SINHCAF: variants seen among roughly 807,000 people sequenced by gnomAD.
SINHCAF encodes the protein SIN3-HDAC complex-associated factor.
In SINHCAF, 3 loss-of-function variants were observed where a neutral mutation model predicts 25.8. The observed-to-expected ratio is 0.12, with a 90% CI of 0.05 to 0.30. The LOEUF is 0.30. Ranked by LOEUF, SINHCAF falls within the 10% of genes least tolerant of loss-of-function variation. SINHCAF has a pLI of 1.00. For synonymous variants in SINHCAF, 70 were observed against 85.5 expected (o/e 0.82, Z 1.00); for missense variants, 121 against 262.3 (o/e 0.46, Z 3.72).
rs1391142004 is a variant in SINHCAF, at chr12:31,325,248, G to A, written c.-21+776C>T. On this transcript the variant is annotated intron_variant, in intron 1 of 5. Coordinates refer to ENST00000337682, the MANE Select transcript of SINHCAF (RefSeq NM_001135812.2). This position sits in a 1 kb window ranked among gnomAD's most constrained non-coding sequence, Gnocchi z 5.9. ...CACCGGGAGCAAAACTTCGGGCTCC[G>A]AAAGCACCCCGGACACCAGAGGCTC... is the stretch of plus-strand genomic sequence containing the variant. 1 of 456,754 alleles carries A rather than the reference G, an allele frequency of 2.2e-6. No homozygotes were observed. The highest frequency in any genetic ancestry group is 4.4e-6 in the Non-Finnish European group (1 of 226,976). 28.3% of individuals were successfully genotyped at this position (456,754 alleles called of 1,614,324 possible).
In SINHCAF at chr12:31,295,593, G is replaced by A. The variant is rs150569548; in HGVS notation, c.129-260C>T. Among the ~76,000 whole-genome samples the A allele has an allele frequency of 9.2e-3, 1,397 of 152,276 alleles. 21 individuals are homozygous for A. The highest frequency in any genetic ancestry group is 0.032 in the African/African-American group (1,314 of 41,532). ...TTTTAAAATTAAATAGGCCAGGCTG[G>A]GTGCGGTGGCTCACGCCTGCAATCC... On this transcript the variant is annotated intron_variant, in intron 2 of 5. Transcript: ENST00000337682.
intron 1 of SINHCAF, chr12:31,305,223 C>T (rs915546474): frequency 2.0e-5 from 3 of 152,170 alleles, no homozygotes; most frequent in African/African-American, 7.2e-5. Context: ...TCCACCAAGG[C>T]TGGAGGGAGT....
chr12:31,308,710 G>A (rs532533458), intron 1 of SINHCAF, among the ~76,000 whole-genome samples: 352 of 152,246 alleles, frequency 2.3e-3, no homozygotes, highest in Non-Finnish European at 3.0e-3. Context: ...GTGGGGCGCT[G>A]TATATCCCTG....
chr12:31,318,690 T>G (rs1939592497), intron 1 of SINHCAF, among the ~76,000 whole-genome samples: 2 of 151,726 alleles, frequency 1.3e-5, no homozygotes, highest in African/African-American at 4.8e-5. Flanking sequence ...GTCTCCCAAT[T>G]CTAGATTAAG....
intron 4 of SINHCAF, among the ~76,000 whole-genome samples, chr12:31,292,095 A>T (rs991535753): frequency 2.0e-5 from 3 of 152,250 alleles, no homozygotes; most frequent in Non-Finnish European, 2.9e-5. Context: ...CAAAAGTGAG[A>T]TATCACTTTC....
chr12:31,298,495 G>A (rs1467740365), intron 1 of SINHCAF: 1 of 361,144 alleles, frequency 2.8e-6, no homozygotes, highest in East Asian at 5.8e-5. Flanking sequence ...ATGGGGAAGA[G>A]AAGCATTTTT....
At chr12:31,294,589 A>G (rs908922074) in intron 3 of SINHCAF, among the ~76,000 whole-genome samples, 1 of 152,184 alleles carries the variant, frequency 6.6e-6, no homozygotes. Context: ...TTAGGTATTC[A>G]TTCACATTTA....
intron 1 of SINHCAF, among the ~76,000 whole-genome samples, chr12:31,309,720 C>T (rs1295183618): frequency 6.9e-6 from 1 of 144,576 alleles, no homozygotes; most frequent in African/African-American, 2.6e-5. Flanking sequence ...GGCTGGAGTG[C>T]AATGGTGTGA....
chr12:31,316,550 G>A (rs576716944), intron 1 of SINHCAF, among the ~76,000 whole-genome samples: 2 of 152,138 alleles, frequency 1.3e-5, no homozygotes, highest in East Asian at 3.9e-4. Context: ...AATGAAATTG[G>A]GAAGCCAAAG....
intron 1 of SINHCAF, among the ~76,000 whole-genome samples, chr12:31,299,732 T>C (rs908160669): frequency 6.6e-6 from 1 of 152,220 alleles, no homozygotes; most frequent in Admixed American, 6.5e-5. Flanking sequence ...AAAGCTTCAG[T>C]ACAGTCATGT....
intron 1 of SINHCAF, among the ~76,000 whole-genome samples, chr12:31,315,190 G>A (rs901712077): frequency 2.6e-5 from 4 of 152,172 alleles, no homozygotes; most frequent in African/African-American, 9.7e-5. Flanking sequence ...AGCAATAGTT[G>A]AGAATTTGGT....
chr12:31,296,839 G>A (rs1938570040), intron 2 of SINHCAF: 2 of 273,754 alleles, frequency 7.3e-6, no homozygotes, highest in Admixed American at 4.7e-5. Context: ...CTGGGTGACA[G>A]AGTGAGACTC....
At chr12:31,287,991 A>C (rs1273987896) in intron 4 of SINHCAF, among the ~76,000 whole-genome samples, 1 of 152,156 alleles carries the variant, frequency 6.6e-6, no homozygotes, top group African/African-American at 2.4e-5. Context: ...CATACTTCCT[A>C]TTCCTCCTGC....
intron 2 of SINHCAF, among the ~76,000 whole-genome samples, chr12:31,296,107 C>T (rs1321079502): frequency 6.6e-6 from 1 of 151,930 alleles, no homozygotes; most frequent in Non-Finnish European, 1.5e-5. Context: ...CTGATTATCA[C>T]GGTTTTAAAC....
intron 4 of SINHCAF, among the ~76,000 whole-genome samples, chr12:31,292,489 A>G (rs1055634675): frequency 2.0e-5 from 3 of 151,026 alleles, no homozygotes; most frequent in Non-Finnish European, 4.4e-5. Flanking sequence ...ACAGAGCGAG[A>G]CCCTGTTTCA....
At chr12:31,314,617 G>C (rs1345863361) in intron 1 of SINHCAF, among the ~76,000 whole-genome samples, 1 of 151,654 alleles carries the variant, frequency 6.6e-6, no homozygotes, top group Non-Finnish European at 1.5e-5. Context: ...TTTTTTAATA[G>C]GAGAGTATAT....
intron 1 of SINHCAF, among the ~76,000 whole-genome samples, chr12:31,315,749 T>C (rs899871319): frequency 6.6e-6 from 1 of 152,278 alleles, no homozygotes; most frequent in South Asian, 2.1e-4. Context: ...AATGTGTTGC[T>C]TAAATTTTAA....
At position 31,293,765 on chromosome 12, in the gene SINHCAF, A is replaced by G. The variant is rs182414949; in HGVS notation, c.355+40T>C. The stretch of plus-strand genomic sequence containing the variant: ...ACACCACCCCCAGCCAAAAATAACA[A>G]AACAATTATTAAGTACTAATGTTGT... On this transcript the variant is annotated intron_variant, in intron 4 of 5. Coordinates refer to ENST00000337682, the MANE Select transcript of SINHCAF (RefSeq NM_001135812.2). The G allele has an allele frequency of 6.7e-5, 102 of 1,528,402 alleles. 1 individual carries two copies. The East Asian group carries it at 1.4e-3, about 20-fold the overall frequency. 94.7% of individuals were successfully genotyped at this position (1,528,402 alleles called of 1,614,324 possible). A position where few individuals can be genotyped will look rare whatever the true frequency, so the allele number is the denominator to read the frequency against.
chr12:31,315,291 G>T (rs1384381460), intron 1 of SINHCAF, among the ~76,000 whole-genome samples: 1 of 152,186 alleles, frequency 6.6e-6, no homozygotes, highest in Non-Finnish European at 1.5e-5. Flanking sequence ...GCACCTTAGG[G>T]TCTGGTGGAA....
Sources: allele counts gnomAD v4.1 joint callset (sites outside exome capture counted in the v4.1 genomes callset), GRCh38; gene constraint gnomAD v4.1.1; non-coding constraint Gnocchi (gnomAD v3.1); transcripts MANE v1.5; gene names NCBI Gene and HGNC (gene_info 2026-07-23, HGNC 2026-07-21).